AGMO: variants seen among roughly 807,000 people sequenced by gnomAD.
The protein encoded by AGMO is glyceryl-ether monooxygenase.
In AGMO, 75 loss-of-function variants were observed where a neutral mutation model predicts 60.2. That is an observed-to-expected ratio of 1.25 (90% CI 1.03 to 1.51). AGMO has a LOEUF of 1.51. Ranked by LOEUF, AGMO falls within the 40% of genes most tolerant of loss-of-function variation. The pLI is 0.00. For synonymous variants in AGMO, 261 were observed against 177.1 expected (o/e 1.47, Z -3.76); for missense variants, 763 against 525.5 (o/e 1.45, Z -4.42).
chr7:15,385,355 A>T, intron 10 of AGMO, 91 bp downstream of exon 10: 1 of 862,074 alleles, frequency 1.2e-6, no homozygotes, highest in Non-Finnish European at 1.9e-6. Flanking sequence ...TACAGAGAAT[A>T]TATGACAGCC....
At chr7:15,483,605 C>A (rs7802592) in intron 3 of AGMO, among the ~76,000 whole-genome samples, 100,023 of 151,034 alleles carry the variant, frequency 0.66, 36,991 homozygotes, top group East Asian at 0.95. Flanking sequence ...AAACAAAAAA[C>A]CATAAAATTT....
intron 12 of AGMO, among the ~76,000 whole-genome samples, chr7:15,305,688 A>G (rs1158757090): frequency 6.6e-6 from 1 of 152,004 alleles, no homozygotes; most frequent in African/African-American, 2.4e-5. Context: ...ATTTTACTGT[A>G]GACATGCAAC....
rs1483876651 is a variant in AGMO, at chr7:15,532,162, T to G, written c.409+12610A>C. ...GCTTCAGTAAATGTTTTGAAAACCT[T>G]AACAACCAAATCATTAAATATAATT... On this transcript the variant is annotated intron_variant, in intron 3 of 12. Coordinates refer to ENST00000342526, the MANE Select transcript of AGMO (RefSeq NM_001004320.2). Among the ~76,000 whole-genome samples, 3 of 152,216 alleles carry G rather than the reference T, an allele frequency of 2.0e-5. No individual in the cohort carries two copies. The East Asian group carries it at 5.8e-4, about 29-fold the overall frequency.
downstream of AGMO, among the ~76,000 whole-genome samples, chr7:15,198,214 AG>A (rs1426701097): frequency 2.1e-5 from 2 of 94,720 alleles, no homozygotes; most frequent in African/African-American, 1.3e-4. Flanking sequence ...AGAGAGAGAG[AG>A]AGAGAGAGAG....
At chr7:15,190,299 G>C in the AGMO span, among the ~76,000 whole-genome samples, 1 of 149,598 alleles carries the variant, frequency 6.7e-6, no homozygotes, top group Non-Finnish European at 1.5e-5. Context: ...TGCACATTAA[G>C]GAACTACCTG....
rs1255007739 is a variant in AGMO at position 15,322,505 on chromosome 7, AAT to A, written c.1263+43007_1263+43008del. Among the ~76,000 whole-genome samples, 343 of 52,442 alleles carry A rather than the reference AAT, an allele frequency of 6.5e-3. 7 individuals are homozygous for A. Among genetic ancestry groups the A allele is most frequent in the African/African-American group, 0.024 (281 of 11,620 alleles). 34.4% of individuals were successfully genotyped at this position (52,442 alleles called of 152,430 possible). A position where few individuals can be genotyped will look rare whatever the true frequency, so the allele number is the denominator to read the frequency against. On this transcript the variant is annotated intron_variant, in intron 12 of 12. Transcript: ENST00000342526. Reference sequence around the variant, plus strand: ...ATATATAAATATATATAAATATATAAATATATATATAAATATATATAAATATA... The same window carrying A: ...ATATATAAATATATATAAATATATAAATATATATAAATATATATAAATATA...
At chr7:15,489,511 G>A (rs1191997795) in intron 3 of AGMO, among the ~76,000 whole-genome samples, 2 of 152,116 alleles carry the variant, frequency 1.3e-5, no homozygotes, top group African/African-American at 4.8e-5. Flanking sequence ...TGCACGGCCA[G>A]GAACCTTCAG....
At chr7:15,483,062 G>C (rs1016276110) in intron 3 of AGMO, among the ~76,000 whole-genome samples, 1 of 152,034 alleles carries the variant, frequency 6.6e-6, no homozygotes, top group African/African-American at 2.4e-5. Flanking sequence ...GAGGCAAGAA[G>C]AAATCAAAGT....
At chr7:15,121,301 T>C in the AGMO span, among the ~76,000 whole-genome samples, 1 of 152,304 alleles carries the variant, frequency 6.6e-6, no homozygotes, top group Non-Finnish European at 1.5e-5. Flanking sequence ...TGTGTCTTTA[T>C]AGTAGAATGA....
At chr7:15,392,287 A>C (rs1029844235) in intron 6 of AGMO, among the ~76,000 whole-genome samples, 2 of 146,352 alleles carry the variant, frequency 1.4e-5, no homozygotes, top group African/African-American at 5.2e-5. Context: ...GCTAGCCAGG[A>C]TGGTGTCTTA....
chr7:15,318,698 T>C (rs1781015485), intron 12 of AGMO, among the ~76,000 whole-genome samples: 1 of 152,216 alleles, frequency 6.6e-6, no homozygotes, highest in South Asian at 2.1e-4. Context: ...TAATTTAACC[T>C]TTTAATTTAA....
intron 12 of AGMO, among the ~76,000 whole-genome samples, chr7:15,341,279 G>A (rs1196491251): frequency 2.0e-5 from 3 of 152,068 alleles, no homozygotes; most frequent in African/African-American, 7.2e-5. Context: ...CCTCCTGAAT[G>A]CTTTGCTACT....
intron 12 of AGMO, among the ~76,000 whole-genome samples, chr7:15,336,260 G>C (rs1476194562): frequency 6.6e-6 from 1 of 151,670 alleles, no homozygotes; most frequent in Non-Finnish European, 1.5e-5. Context: ...AAAAAATTAT[G>C]CTCTTACCAC....
chr7:15,487,719 G>A (rs1038672304), intron 3 of AGMO, among the ~76,000 whole-genome samples: 1 of 151,800 alleles, frequency 6.6e-6, no homozygotes, highest in African/African-American at 2.4e-5. Context: ...AAACCATTTT[G>A]CCAAACTGTG....
intron 8 of AGMO, among the ~76,000 whole-genome samples, chr7:15,389,521 GAA>G (rs1239203370): frequency 6.6e-6 from 1 of 152,154 alleles, no homozygotes; most frequent in East Asian, 1.9e-4. Flanking sequence ...TGAGAAGAAA[GAA>G]GAGAGATAAC....
intron 3 of AGMO, among the ~76,000 whole-genome samples, chr7:15,444,065 T>A (rs1017246875): frequency 3.9e-5 from 6 of 152,198 alleles, no homozygotes; most frequent in African/African-American, 1.4e-4. Flanking sequence ...CCACCACTAT[T>A]TCATAAGCTT....
At chr7:15,204,000 A>C (rs986638557) in intron 12 of AGMO, among the ~76,000 whole-genome samples, 1 of 152,150 alleles carries the variant, frequency 6.6e-6, no homozygotes, top group East Asian at 1.9e-4. Context: ...ATTTTTATAT[A>C]TAATAAAATC....
At chr7:15,387,609 G>T (rs889385438) in intron 8 of AGMO, 69 bp from the exon 9 acceptor site, 1 of 1,375,186 alleles carries the variant, frequency 7.3e-7, no homozygotes, top group East Asian at 2.4e-5. Context: ...CAAAAGTTAT[G>T]TATATTATTT....
intron 12 of AGMO, among the ~76,000 whole-genome samples, chr7:15,215,390 G>A (rs1235235405): frequency 6.6e-6 from 1 of 151,538 alleles, no homozygotes; most frequent in Non-Finnish European, 1.5e-5. Context: ...CTGTGATGAA[G>A]TGAGTTACCA....
Sources: allele counts gnomAD v4.1 joint callset (sites outside exome capture counted in the v4.1 genomes callset), GRCh38; gene constraint gnomAD v4.1.1; transcripts MANE v1.5; gene names NCBI Gene and HGNC (gene_info 2026-07-23, HGNC 2026-07-21).